The following MALRD1 variants were observed in gnomAD, a reference collection of about 807,000 sequenced individuals.
The protein encoded by MALRD1 is MAM and LDL-receptor class A domain-containing protein 1.
A neutral mutation model predicts 242.1 loss-of-function variants in MALRD1; 247 were observed. The observed-to-expected ratio is 1.02, with a 90% confidence interval of 0.92 to 1.13. MALRD1 has a LOEUF of 1.13. Ranked by LOEUF, MALRD1 falls within the 50% of genes most tolerant of loss-of-function variation. The pLI, the probability that MALRD1 is intolerant of heterozygous loss-of-function variation, is 0.00. For missense variants in MALRD1, 2,989 were observed against 2,533.1 expected (o/e 1.18, Z -3.86); for synonymous variants, 995 against 866.6 (o/e 1.15, Z -2.60).
chr10:19,391,364 AATAAG>A (rs1846329290), intron 28 of MALRD1, among the ~76,000 whole-genome samples: 1 of 152,172 alleles, frequency 6.6e-6, no homozygotes, highest in Non-Finnish European at 1.5e-5. Context: ...CTTGGTGATT[AATAAG>A]ATATGTATTT....
At chr10:19,161,012 C>T (rs917593878) in intron 12 of MALRD1, among the ~76,000 whole-genome samples, 41 of 151,656 alleles carry the variant, frequency 2.7e-4, no homozygotes, top group Non-Finnish European at 4.9e-4. Context: ...GGTATATACC[C>T]AAATGAGTAT....
intron 18 of MALRD1, among the ~76,000 whole-genome samples, chr10:19,238,618 C>T (rs145009466): frequency 2.2e-5 from 2 of 91,854 alleles, no homozygotes; most frequent in East Asian, 2.8e-4. Flanking sequence ...TTTTTAGACA[C>T]ACAGGTTGAT....
intron 26 of MALRD1, among the ~76,000 whole-genome samples, chr10:19,380,279 T>TC (rs1198798192): frequency 1.3e-5 from 1 of 75,888 alleles, no homozygotes; most frequent in African/African-American, 5.1e-5. Flanking sequence ...CCAGCCTTCT[T>TC]TTTTTTTTTT....
At chr10:19,181,577 C>T (rs1165379813) in intron 14 of MALRD1, among the ~76,000 whole-genome samples, 4 of 151,958 alleles carry the variant, frequency 2.6e-5, no homozygotes, top group East Asian at 1.9e-4. Context: ...ATATGTAGAT[C>T]GGAGGATACG....
intron 36 of MALRD1, among the ~76,000 whole-genome samples, chr10:19,619,856 G>A (rs12255250): frequency 1.3e-5 from 2 of 151,736 alleles, no homozygotes; most frequent in Admixed American, 6.6e-5. Flanking sequence ...GCATTTCATC[G>A]AAATAAAGGC....
intron 14 of MALRD1, among the ~76,000 whole-genome samples, chr10:19,200,135 TAATAA>T (rs1481072396): frequency 1.3e-5 from 2 of 152,062 alleles, no homozygotes; most frequent in African/African-American, 2.4e-5. Context: ...CAAAAAAGAA[TAATAA>T]AATAAAACAG....
In MALRD1 at chr10:19,532,394, A is replaced by T. The variant is rs1834455177; in HGVS notation, c.5478+1043A>T. 3.9e-5 allele frequency among the ~76,000 whole-genome samples: 6 copies of T among 152,214 alleles called. No individual in the cohort carries two copies. In the South Asian group the frequency reaches 1.2e-3, roughly 32 times the overall value. The stretch of plus-strand genomic sequence containing the variant: ...CTCAGCATCCTGAGTAGCTGGGATC[A>T]CAGGCATGCATCACCACGTCCAGCT... On this transcript the variant is annotated intron_variant, in intron 32 of 39. Transcript: ENST00000454679.
intron 34 of MALRD1, among the ~76,000 whole-genome samples, chr10:19,596,952 G>A (rs1838129330): frequency 6.6e-6 from 1 of 151,918 alleles, no homozygotes; most frequent in Non-Finnish European, 1.5e-5. Context: ...GTGTAATATG[G>A]GACCTCTAGA....
chr10:19,493,155 C>T (rs1232658755), intron 30 of MALRD1: 2 of 152,066 alleles, frequency 1.3e-5, no homozygotes, highest in Admixed American at 6.5e-5. Context: ...AAGAATAACA[C>T]TCCATTTACC....
At chr10:19,155,374 G>A (rs918857646) in intron 12 of MALRD1, among the ~76,000 whole-genome samples, 2 of 152,108 alleles carry the variant, frequency 1.3e-5, no homozygotes, top group East Asian at 3.9e-4. Flanking sequence ...TTCTTTTGAG[G>A]GCTATTAAAG....
chr10:19,732,676 T>A lies in MALRD1; in HGVS notation c.6391-1481T>A, dbSNP rs1030025873. On this transcript the variant is annotated intron_variant, in intron 39 of 39. Transcript: ENST00000454679. ...TTCAATTTTATGTTTTTTGTATTAG[T>A]GCCTCATAAACTTGTAGTAACTAAA... is the stretch of plus-strand genomic sequence containing the variant. Among the ~76,000 whole-genome samples, 6 of 152,218 alleles carry A rather than the reference T, an allele frequency of 3.9e-5. No individual in the cohort carries two copies. The South Asian group carries it at 1.2e-3, about 31-fold the overall frequency.
chr10:19,272,844 C>G (rs974316145), intron 19 of MALRD1, among the ~76,000 whole-genome samples: 1 of 152,128 alleles, frequency 6.6e-6, no homozygotes, highest in South Asian at 2.1e-4. Context: ...ATCCACGTCC[C>G]TGCAAAGGAC....
chr10:19,137,586 C>A (rs998832276), intron 10 of MALRD1, among the ~76,000 whole-genome samples: 1 of 131,678 alleles, frequency 7.6e-6, no homozygotes, highest in South Asian at 2.3e-4. Flanking sequence ...CCAGCCCAGG[C>A]GACAGCGTGA....
At chr10:19,194,011 T>G (rs1014159689) in intron 14 of MALRD1, among the ~76,000 whole-genome samples, 4 of 151,922 alleles carry the variant, frequency 2.6e-5, no homozygotes, top group African/African-American at 7.2e-5. Context: ...TTCATCTACA[T>G]TACTATAGTA....
intron 2 of MALRD1, among the ~76,000 whole-genome samples, chr10:19,082,720 C>A (rs185813877): frequency 2.6e-5 from 4 of 152,000 alleles, no homozygotes; most frequent in Admixed American, 6.6e-5. Flanking sequence ...GATGCTCACT[C>A]TCCCAAAAAC....
chr10:19,419,283 CTTTGTTTTG>C (rs779662084), intron 28 of MALRD1, among the ~76,000 whole-genome samples: 50 of 151,576 alleles, frequency 3.3e-4, no homozygotes, highest in Non-Finnish European at 5.3e-4. Context: ...TTCTTTCTTT[CTTTGTTTTG>C]TTTGTTTTGT....
chr10:19,594,545 G>A (rs1431124840), intron 33 of MALRD1, among the ~76,000 whole-genome samples: 1 of 152,096 alleles, frequency 6.6e-6, no homozygotes, highest in Non-Finnish European at 1.5e-5. Flanking sequence ...CATGTTTATA[G>A]CAGCACAATT....
chr10:19,692,933 T>C (rs1443774375), intron 38 of MALRD1, among the ~76,000 whole-genome samples: 1 of 148,454 alleles, frequency 6.7e-6, no homozygotes, highest in East Asian at 2.0e-4. Context: ...CACAAATCAA[T>C]AAATGTAATC....
chr10:19,491,512 C>G lies in MALRD1; in HGVS notation c.5030-5C>G. 6.5e-7 allele frequency: 1 copy of G among 1,547,524 alleles called. No individual in the cohort carries two copies. The highest frequency in any genetic ancestry group is 1.4e-5 in the African/African-American group (1 of 72,902). On this transcript the variant is annotated splice_region_variant and splice_polypyrimidine_tract_variant and intron_variant, in intron 29 of 39. Transcript: ENST00000454679. ...TACTGCTTTTGTTTTTTTGTTTTTC[C>G]CTAGTGGGAGAGATCTCTGAGCTTT...
Sources: gnomAD v4.1 joint callset for allele counts (sites outside exome capture counted in the v4.1 genomes callset) on GRCh38, gnomAD v4.1.1 for gene constraint, MANE v1.5 for transcripts, NCBI Gene and HGNC (gene_info 2026-07-23, HGNC 2026-07-21) for gene names.